CPED1: variants seen among roughly 807,000 people sequenced by gnomAD.
CPED1 encodes the protein cadherin-like and PC-esterase domain-containing protein 1.
Under a neutral mutation model 128.2 loss-of-function variants are expected in CPED1, and 114 were observed. That is an observed-to-expected ratio of 0.89 (90% CI 0.76 to 1.04). The LOEUF is 1.04. CPED1 is among the 50% of genes least tolerant of loss of function. The pLI, the probability that CPED1 is intolerant of heterozygous loss-of-function variation, is 0.00. For missense variants in CPED1, 1,211 were observed against 1,207.1 expected (o/e 1.00, Z -0.05); for synonymous variants, 462 against 426.7 (o/e 1.08, Z -1.02).
At chr7:121,215,573 T>C (rs1797741977) in intron 16 of CPED1, among the ~76,000 whole-genome samples, 1 of 152,074 alleles carries the variant, frequency 6.6e-6, no homozygotes, top group Non-Finnish European at 1.5e-5. Context: ...AAACTTTGGT[T>C]GTTGATGTAG....
intron 16 of CPED1, among the ~76,000 whole-genome samples, chr7:121,148,742 G>A (rs925389320): frequency 6.6e-5 from 10 of 151,982 alleles, no homozygotes; most frequent in African/African-American, 2.4e-4. Context: ...GACATGTGTG[G>A]GTCCTAGTCA....
chr7:121,180,896 A>G (rs924347975), intron 16 of CPED1, among the ~76,000 whole-genome samples: 3 of 152,076 alleles, frequency 2.0e-5, no homozygotes, highest in African/African-American at 7.2e-5. Flanking sequence ...ATGTCTTAGC[A>G]TTCTCTGACA....
At chr7:121,105,189 C>T (rs1794945832) in intron 7 of CPED1, among the ~76,000 whole-genome samples, 2 of 152,012 alleles carry the variant, frequency 1.3e-5, no homozygotes, top group Non-Finnish European at 2.9e-5. Flanking sequence ...TACAAGATTC[C>T]TTTTAAAAAG....
At chr7:121,233,261 T>A (rs946013965) in intron 16 of CPED1, among the ~76,000 whole-genome samples, 2 of 152,096 alleles carry the variant, frequency 1.3e-5, no homozygotes, top group East Asian at 3.9e-4. Flanking sequence ...CCTTTTGAAG[T>A]CTCCAACAAA....
At chr7:121,252,706 C>T (rs551373600) in intron 18 of CPED1, among the ~76,000 whole-genome samples, 29 of 152,066 alleles carry the variant, frequency 1.9e-4, no homozygotes, top group South Asian at 1.9e-3. Context: ...AAAAAACACA[C>T]GAAAAAATGC....
chr7:121,002,493 TG>T (rs1361661862), intron 2 of CPED1, among the ~76,000 whole-genome samples: 1 of 152,136 alleles, frequency 6.6e-6, no homozygotes, highest in African/African-American at 2.4e-5. Flanking sequence ...GAATAAACAG[TG>T]AAAACATTAA....
intron 4 of CPED1, among the ~76,000 whole-genome samples, chr7:121,053,614 C>G (rs905659451): frequency 2.0e-5 from 3 of 152,044 alleles, no homozygotes; most frequent in Non-Finnish European, 4.4e-5. Context: ...GTAAAAAGAT[C>G]CTGTTTTTCT....
intron 3 of CPED1, among the ~76,000 whole-genome samples, chr7:121,020,613 G>A (rs1792415658): frequency 1.3e-5 from 2 of 151,614 alleles, no homozygotes; most frequent in African/African-American, 4.8e-5. Context: ...TATTCAAAAA[G>A]GATTTGAAGG....
chr7:121,219,501 G>A (rs1382200188), intron 16 of CPED1, among the ~76,000 whole-genome samples: 1 of 152,062 alleles, frequency 6.6e-6, no homozygotes, highest in South Asian at 2.1e-4. Context: ...CAATATTAAT[G>A]TCATATTAAT....
At position 121,295,656 on chromosome 7, in the gene CPED1, C is replaced by G. The variant is rs770381972; in HGVS notation, c.*4C>G. On this transcript the variant is annotated 3_prime_UTR_variant, in exon 23 of 23. Transcript: ENST00000310396. ...TGCAAATAAAAGGACTATGTAGGCT[C>G]CCTGCAGGAGAGCTGAATCTGGAGC... The G allele has an allele frequency of 2.2e-5, 36 of 1,612,620 alleles. No individual in the cohort carries two copies. The highest frequency in any genetic ancestry group is 2.2e-5 in the Non-Finnish European group (26 of 1,178,962).
chr7:121,061,238 T>G, intron 4 of CPED1: 1 of 926,370 alleles, frequency 1.1e-6, no homozygotes, highest in South Asian at 5.0e-5. Flanking sequence ...CTAATGCATA[T>G]TCCCTTTTTC....
chr7:121,021,898 G>A (rs1343787551), intron 3 of CPED1, among the ~76,000 whole-genome samples: 2 of 152,012 alleles, frequency 1.3e-5, no homozygotes, highest in Non-Finnish European at 2.9e-5. Context: ...GTGTAAGAGT[G>A]CTGCTGTTGG....
In CPED1 at chr7:121,266,376, C is replaced by T. The variant is rs141358638; in HGVS notation, c.2460C>T (p.Tyr820=). The T allele has an allele frequency of 4.0e-5, 64 of 1,613,118 alleles. No homozygotes were observed. Among genetic ancestry groups the T allele is most frequent in the Non-Finnish European group, 5.2e-5 (61 of 1,179,456 alleles). Residue 820 remains tyrosine, a synonymous_variant, in exon 19 of 23, where the codon TAC becomes TAT. Transcript: ENST00000310396. ...NGGKTLISYS[Y]YPQFWISPSL... Reference sequence around the variant, plus strand: ...GGAAGACTTTGATCAGTTATTCCTACTATCCCCAGTTCTGGATAAGCCCTT... The same window carrying T: ...GGAAGACTTTGATCAGTTATTCCTATTATCCCCAGTTCTGGATAAGCCCTT...
In CPED1 at chr7:121,072,294, A is replaced by G. The variant is rs1794015279; in HGVS notation, c.616+7981A>G. On this transcript the variant is annotated intron_variant, in intron 5 of 22. Transcript: ENST00000310396. ...AAAAATAGATCACACTAATTCTGCA[A>G]TTGTCAGCTCAACCACCACCACCAC... Among the ~76,000 whole-genome samples, 5 of 152,168 alleles carry G rather than the reference A, an allele frequency of 3.3e-5. No homozygotes were observed. The South Asian group carries it at 8.3e-4, about 25-fold the overall frequency.
chr7:121,010,653 G>A (rs1480110896), intron 2 of CPED1, among the ~76,000 whole-genome samples: 4 of 152,158 alleles, frequency 2.6e-5, no homozygotes, highest in Admixed American at 2.0e-4. Flanking sequence ...TTGAAGGTTG[G>A]GATAGCCCCA....
intron 7 of CPED1, among the ~76,000 whole-genome samples, chr7:121,120,196 C>A (rs948048738): frequency 6.6e-6 from 1 of 152,128 alleles, no homozygotes; most frequent in African/African-American, 2.4e-5. Flanking sequence ...TATGGTAGTT[C>A]TATTTGTAAT....
intron 2 of CPED1, among the ~76,000 whole-genome samples, chr7:120,994,645 G>GTGTGTGTGTGTGTGTGTGTGTGTT (rs1796363263): frequency 7.2e-6 from 1 of 139,720 alleles, no homozygotes; most frequent in Non-Finnish European, 1.6e-5. Context: ...GTGTGTGTGT[G>GTGTGTGTGTGTGTGTGTGTGTGTT]TGTGTGTGTG....
chr7:121,217,250 A>C (rs548971537), intron 16 of CPED1, among the ~76,000 whole-genome samples: 1 of 151,850 alleles, frequency 6.6e-6, no homozygotes, highest in African/African-American at 2.4e-5. Context: ...CCTCCTTTCC[A>C]CAAGGGCAGG....
chr7:121,124,367 T>TC lies in CPED1; in HGVS notation c.956dup (p.Pro320ThrfsTer6), dbSNP rs1233791396. 2 of 1,610,176 alleles carry TC rather than the reference T, an allele frequency of 1.2e-6. No homozygotes were observed. Among genetic ancestry groups the TC allele is most frequent in the Non-Finnish European group, 1.7e-6 (2 of 1,177,778 alleles). On this transcript the variant is annotated frameshift_variant, in exon 8 of 23. Coordinates refer to ENST00000310396, the MANE Select transcript of CPED1 (RefSeq NM_024913.5). LOFTEE classifies it high-confidence loss of function. ...TTTTGAGACATTCCTGAGAGCCAGT[T>TC]CACCTCAACAGGCTTTTGACATTAT...
Sources: allele counts gnomAD v4.1 joint callset (sites outside exome capture counted in the v4.1 genomes callset), GRCh38; gene constraint gnomAD v4.1.1; transcripts MANE v1.5; gene names NCBI Gene and HGNC (gene_info 2026-07-23, HGNC 2026-07-21).